KAT5: variants seen among roughly 807,000 people sequenced by gnomAD.
KAT5 encodes histone acetyltransferase KAT5.
In KAT5, 31 loss-of-function variants were observed where a neutral mutation model predicts 68.1. That is an observed-to-expected ratio of 0.46 (90% CI 0.34 to 0.61). KAT5 has a LOEUF of 0.61. Ranked by LOEUF, KAT5 falls within the 20% of genes least tolerant of loss-of-function variation. The pLI is 0.01. For synonymous variants in KAT5, 365 were observed against 292.6 expected (o/e 1.25, Z -2.52); for missense variants, 451 against 725.5 (o/e 0.62, Z 4.35).
rs149683297 is a variant in KAT5, at chr11:65,714,624, C to T, written c.820C>T (p.Arg274Cys). 24 of 1,614,080 alleles carry T rather than the reference C, an allele frequency of 1.5e-5. No individual in the cohort carries two copies. The highest frequency in any genetic ancestry group is 5.3e-5 in the African/African-American group (4 of 74,930). The change falls in exon 7 of 13, where the codon CGC (arginine) becomes TGC (cysteine). Residue 274 changes from arginine to cysteine, a missense_variant. Arg to Cys is a radical substitution (Grantham distance 180, BLOSUM62 -3). Coordinates refer to ENST00000341318, the MANE Select transcript of KAT5 (RefSeq NM_182710.3). ...TGAGTGCATTGAGCTGGGCCGGCACCGCCTCAAGCCGTGGTACTTCTCCCC... is the reference window on the plus strand; with the variant it reads ...TGAGTGCATTGAGCTGGGCCGGCACTGCCTCAAGCCGTGGTACTTCTCCCC... ...NIECIELGRH[R>C]LKPWYFSPYP...
chr11:65,717,003 C>G, intron 10 of KAT5, 21 bp downstream of exon 10: 6 of 1,584,574 alleles, frequency 3.8e-6, no homozygotes, highest in Non-Finnish European at 5.2e-6. Flanking sequence ...GTGCTGCGGC[C>G]AGGGGGTAGT....
At chr11:65,713,904 G>C (rs1857112242) in intron 6 of KAT5, 56 bp downstream of exon 6, 1 of 1,445,880 alleles carries the variant, frequency 6.9e-7, no homozygotes, top group Admixed American at 2.0e-5. Context: ...ATGCAGGCAG[G>C]GTGGAGAGTT....
chr11:65,715,433 T>TC (rs1345334909), intron 8 of KAT5: 1 of 167,482 alleles, frequency 6.0e-6, no homozygotes, highest in Admixed American at 5.6e-5. Flanking sequence ...GACCTGGGCA[T>TC]CCAAGTGGCA....
Position 65,719,245 on chromosome 11 carries a change from C to T in KAT5, c.*64C>T, listed in dbSNP as rs905995665. 1 of 1,564,980 alleles carries T rather than the reference C, an allele frequency of 6.4e-7. No individual in the cohort carries two copies. The highest frequency in any genetic ancestry group is 8.7e-7 in the Non-Finnish European group (1 of 1,149,508). On this transcript the variant is annotated 3_prime_UTR_variant, in exon 13 of 13. Coordinates refer to ENST00000341318, the MANE Select transcript of KAT5 (RefSeq NM_182710.3). The stretch of plus-strand genomic sequence containing the variant: ...ACTGGGGCTGATAGCCCACCCCGCC[C>T]CCACTGCAGCTCCCACAAAGCACTC...
chr11:65,714,728 T>G lies in KAT5; in HGVS notation c.924T>G (p.Cys308Trp). 1 of 1,614,182 alleles carries G rather than the reference T, an allele frequency of 6.2e-7. No individual in the cohort carries two copies. Among genetic ancestry groups the G allele is most frequent in the Non-Finnish European group, 8.5e-7 (1 of 1,180,034 alleles). Residue 308 changes from cysteine (C) to tryptophan (W), a missense_variant, in exon 7 of 13, where the codon TGT (cysteine) becomes TGG (tryptophan). Physicochemically the swap from Cys to Trp is radical, Grantham distance 215. Around this residue, in one of 4 missense-constraint regions of KAT5, gnomAD observed 210 missense variants for 423.7 expected, o/e 0.50. Coordinates refer to ENST00000341318, the MANE Select transcript of KAT5 (RefSeq NM_182710.3). ...FCLKYGRSLK[C>W]LQRHLTKCDL... is the part of the protein sequence containing the mutation. ...TCAAGTACGGCCGTAGTCTCAAGTG[T>G]CTTCAGCGTCATTTGGTATGAGGGG...
chr11:65,718,651 T>C lies in KAT5; in HGVS notation c.1326T>C (p.Leu442=). 6.2e-7 allele frequency: 1 copy of C among 1,614,190 alleles called. No homozygotes were observed. Among genetic ancestry groups the C allele is most frequent in the Non-Finnish European group, 8.5e-7 (1 of 1,180,022 alleles). Residue 442 remains leucine (L), a synonymous_variant, in exon 11 of 13, where the codon CTT becomes CTC. Transcript: ENST00000341318. ...CCCCTGAGAAGCCCCTCTCAGACCT[T>C]GGCCTCCTATCCTATCGAAGCTACT... ...TGTPEKPLSD[L]GLLSYRSYWS...
upstream of KAT5, chr11:65,712,198 C>G (rs1274122563): frequency 3.8e-5 from 52 of 1,364,064 alleles, no homozygotes; most frequent in South Asian, 1.8e-5. Context: ...GAGGCCCGGG[C>G]CCACAGGGCG....
At chr11:65,718,561 A>G in intron 10 of KAT5, 29 bp from the exon 11 acceptor site, 1 of 1,600,248 alleles carries the variant, frequency 6.2e-7, no homozygotes, top group African/African-American at 1.3e-5. Flanking sequence ...GTGACCTCTT[A>G]CTCACCCTCT....
intron 8 of KAT5, chr11:65,716,024 CAAA>C (rs34568886): frequency 5.0e-4 from 62 of 123,320 alleles, no homozygotes; most frequent in East Asian, 9.1e-4. Flanking sequence ...GACCCTGTGT[CAAA>C]AAAAAAAAAA....
At chr11:65,713,118 C>T in intron 3 of KAT5, 60 bp downstream of exon 3, 3 of 1,599,556 alleles carry the variant, frequency 1.9e-6, no homozygotes, top group South Asian at 2.2e-5. Flanking sequence ...TGTCTGTTGG[C>T]ATTAGGAGCT....
At chr11:65,716,585 G>A in intron 8 of KAT5, 82 bp from the exon 9 acceptor site, 2 of 1,387,908 alleles carry the variant, frequency 1.4e-6, no homozygotes, top group South Asian at 1.2e-5. Context: ...AGCACGAACA[G>A]TGAAGCTCCT....
chr11:65,712,725 G>A, intron 1 of KAT5, 41 bp from the exon 2 acceptor site: 1 of 1,609,038 alleles, frequency 6.2e-7, no homozygotes, highest in Non-Finnish European at 8.5e-7. Flanking sequence ...GAGTCTCATA[G>A]CCTGGCCTGT....
In KAT5 at chr11:65,718,854, G is replaced by C; in HGVS notation, c.1425-19G>C. 1 of 1,614,040 alleles carries C rather than the reference G, an allele frequency of 6.2e-7. No individual in the cohort carries two copies. The highest frequency in any genetic ancestry group is 1.1e-5 in the South Asian group (1 of 91,070). On this transcript the variant is annotated intron_variant, in intron 11 of 12. Coordinates refer to ENST00000341318, the MANE Select transcript of KAT5 (RefSeq NM_182710.3). Reference sequence around the variant, plus strand: ...ACAGATAAAGGTCCTCAGGGAACCTGACCTGTGCTCTCCCACAGTGAGATT... The same window carrying C: ...ACAGATAAAGGTCCTCAGGGAACCTCACCTGTGCTCTCCCACAGTGAGATT...
intron 10 of KAT5, chr11:65,718,057 C>A (rs1857262622): frequency 6.5e-6 from 1 of 153,974 alleles, no homozygotes; most frequent in Non-Finnish European, 1.4e-5. Context: ...GAATGGTCTC[C>A]CCGACTTAGG....
rs984618442 is a variant in KAT5 at position 65,712,357 on chromosome 11, T to C, written c.90T>C (p.Pro30=). 9 of 1,540,136 alleles carry C rather than the reference T, an allele frequency of 5.8e-6. No individual in the cohort carries two copies. In the Admixed American group the frequency reaches 7.4e-5, roughly 13 times the overall value. Residue 30 remains proline, a synonymous_variant, in exon 1 of 13, where the codon CCT becomes CCC. Transcript: ENST00000341318. ...CCCGAGGCCCCCCAGTAGCCGACCC[T>C]GGCGTCGCGCTGTCTCCCCAGGGGG... The part of the protein sequence containing the change: ...GRARGPPVAD[P]GVALSPQGEI...
rs1207991488 is a variant in KAT5 at position 65,719,337 on chromosome 11, C to G, written c.*156C>G. 18 of 937,208 alleles carry G rather than the reference C, an allele frequency of 1.9e-5. No individual in the cohort carries two copies. Among genetic ancestry groups the G allele is most frequent in the Non-Finnish European group, 2.5e-5 (16 of 642,766 alleles). 58.1% of individuals were successfully genotyped at this position (937,208 alleles called of 1,614,324 possible). A position where few individuals can be genotyped will look rare whatever the true frequency, so the allele number is the denominator to read the frequency against. On this transcript the variant is annotated 3_prime_UTR_variant, in exon 13 of 13. Coordinates refer to ENST00000341318, the MANE Select transcript of KAT5 (RefSeq NM_182710.3). ...AGGCCTGGCAGGGGCCCACTGGTGC[C>G]CAGCACCAAGGCGAGCTCCGGGCTC...
At position 65,719,237 on chromosome 11, in the gene KAT5, AC is replaced by A; in HGVS notation, c.*60del. On this transcript the variant is annotated 3_prime_UTR_variant, in exon 13 of 13. Coordinates refer to ENST00000341318, the MANE Select transcript of KAT5 (RefSeq NM_182710.3). ...GCAGCAGGACTGGGGCTGATAGCCC[AC>A]CCCGCCCCCACTGCAGCTCCCACAA... The A allele has an allele frequency of 1.9e-6, 3 of 1,584,780 alleles. No homozygotes were observed. Among genetic ancestry groups the A allele is most frequent in the Non-Finnish European group, 1.7e-6 (2 of 1,164,044 alleles).
chr11:65,718,555 C>T (rs759381325), intron 10 of KAT5, 35 bp from the exon 11 acceptor site: 4 of 1,596,996 alleles, frequency 2.5e-6, no homozygotes, highest in East Asian at 4.5e-5. Flanking sequence ...TCATCTGTGA[C>T]CTCTTACTCA....
Position 65,712,378 on chromosome 11 carries a change from G to A in KAT5, c.111G>A (p.Gln37=). The change falls in exon 1 of 13, where the codon CAG becomes CAA. Residue 37 remains glutamine (Q), a synonymous_variant. Transcript: ENST00000341318. ...ACCCTGGCGTCGCGCTGTCTCCCCA[G>A]GGGGAGATAATCGAGGGCTGCCGCC... ...VADPGVALSP[Q]GEIIEGCRLP... is the part of the protein sequence containing the mutation. 6.3e-7 allele frequency: 1 copy of A among 1,580,400 alleles called. No individual in the cohort carries two copies. Among genetic ancestry groups the A allele is most frequent in the Non-Finnish European group, 8.5e-7 (1 of 1,170,634 alleles).
Sources: gnomAD v4.1 joint callset for allele counts on GRCh38, gnomAD v4.1.1 for gene constraint, gnomAD v4.1.1 regional missense constraint, MANE v1.5 for transcripts, NCBI Gene and HGNC (gene_info 2026-07-23, HGNC 2026-07-21) for gene names.